The following FAM216A variants were observed in gnomAD, a reference collection of about 807,000 sequenced individuals.
FAM216A encodes the protein family with sequence similarity 216 member A, also known as protein FAM216A.
In FAM216A, 26 loss-of-function variants were observed where a neutral mutation model predicts 37.6. That is an observed-to-expected ratio of 0.69 (90% CI 0.51 to 0.96). FAM216A has a LOEUF of 0.96. Ranked by LOEUF, FAM216A falls within the 40% of genes least tolerant of loss-of-function variation. The pLI is 0.00. For synonymous variants in FAM216A, 110 were observed against 121.7 expected, an observed-to-expected ratio of 0.90 and a Z score of 0.64; for missense variants, 326 against 339.3, an observed-to-expected ratio of 0.96 and a Z score of 0.31.
chr12:110,473,148 T>C (rs1359271406), intron 2 of FAM216A, 30 bp downstream of exon 2: 3 of 1,317,296 alleles, frequency 2.3e-6, no homozygotes, highest in Non-Finnish European at 3.2e-6. Context: ...CAGATAATAC[T>C]TATAAGTAAC....
chr12:110,469,363 A>T lies in FAM216A; in HGVS notation c.143+345A>T, dbSNP rs552391263. 11 of 256,076 alleles carry T rather than the reference A, an allele frequency of 4.3e-5. No homozygotes were observed. In the Admixed American group the frequency reaches 6.0e-4, roughly 14 times the overall value. The allele number at this position is 256,076 out of a possible 1,614,324, so 15.9% of individuals were successfully genotyped here. ...CTGTCTGGCACAGGACTGTGTGTCC[A>T]CCGAAAGGCGAGGCGGGAGGGACAG... On this transcript the variant is annotated intron_variant, in intron 1 of 6. Coordinates refer to ENST00000377673, the MANE Select transcript of FAM216A (RefSeq NM_013300.3).
At chr12:110,476,375 A>T (rs540663581) in intron 2 of FAM216A, among the ~76,000 whole-genome samples, 14 of 150,840 alleles carry the variant, frequency 9.3e-5, no homozygotes, top group African/African-American at 3.4e-4. Flanking sequence ...AATTGTTTGA[A>T]TTTTTTTTCT....
intron 2 of FAM216A, among the ~76,000 whole-genome samples, chr12:110,482,409 G>C (rs1160515264): frequency 1.3e-5 from 2 of 151,906 alleles, no homozygotes; most frequent in Non-Finnish European, 2.9e-5. Flanking sequence ...TGTCTTTCCA[G>C]CTTTATTTGT....
intron 1 of FAM216A, among the ~76,000 whole-genome samples, chr12:110,469,846 C>CTGAA (rs1278584651): frequency 6.6e-6 from 1 of 152,086 alleles, no homozygotes; most frequent in Non-Finnish European, 1.5e-5. Context: ...AGACCAATGA[C>CTGAA]TGAATATCCG....
Position 110,473,124 on chromosome 12 carries a change from T to C in FAM216A, c.184+6T>C. The C allele has an allele frequency of 6.5e-7, 1 of 1,541,780 alleles. No homozygotes were observed. ...CCAGAATTCCAAAGGTTCTGGTGAG[T>C]AGTGCATATAAAGCAGATAATACTT... On this transcript the variant is annotated splice_donor_region_variant and intron_variant, in intron 2 of 6. Transcript: ENST00000377673.
chr12:110,482,234 A>G lies in FAM216A; in HGVS notation c.185-2844A>G, dbSNP rs550012799. Among the ~76,000 whole-genome samples, 1,039 of 152,068 alleles carry G rather than the reference A, an allele frequency of 6.8e-3. 1 individual carries two copies. Among genetic ancestry groups the G allele is most frequent in the Non-Finnish European group, 9.3e-3 (635 of 67,972 alleles). On this transcript the variant is annotated intron_variant, in intron 2 of 6. Coordinates refer to ENST00000377673, the MANE Select transcript of FAM216A (RefSeq NM_013300.3). ...GTAGCTGGGACTACAGGTGTACGCCACCACACCTGGCTAACTTTTATATAT... is the reference window on the plus strand; with the variant it reads ...GTAGCTGGGACTACAGGTGTACGCCGCCACACCTGGCTAACTTTTATATAT...
intron 1 of FAM216A, among the ~76,000 whole-genome samples, chr12:110,469,805 G>A (rs540689247): frequency 6.6e-6 from 1 of 152,068 alleles, no homozygotes; most frequent in Non-Finnish European, 1.5e-5. Context: ...CATTGCGCCC[G>A]ACCTCAAACG....
At chr12:110,475,803 A>G (rs2062711741) in intron 2 of FAM216A, among the ~76,000 whole-genome samples, 1 of 151,504 alleles carries the variant, frequency 6.6e-6, no homozygotes, top group Non-Finnish European at 1.5e-5. Flanking sequence ...CGGGGATACA[A>G]TCGGCTCACT....
chr12:110,489,972 GCTTT>G, intron 6 of FAM216A, 43 bp from the exon 7 acceptor site: 1 of 921,648 alleles, frequency 1.1e-6, no homozygotes, highest in East Asian at 2.4e-5. Flanking sequence ...TGTACTTAGA[GCTTT>G]ATTTCCAAAA....
chr12:110,468,944 G>A lies in FAM216A; in HGVS notation c.69G>A (p.Pro23=), dbSNP rs2062659725. 2.6e-6 allele frequency: 4 copies of A among 1,524,824 alleles called. No individual in the cohort carries two copies. Among genetic ancestry groups the A allele is most frequent in the Admixed American group, 2.0e-5 (1 of 50,428 alleles). The allele number at this position is 1,524,824 out of a possible 1,614,324, so 94.5% of individuals were successfully genotyped here. A position where few individuals can be genotyped will look rare whatever the true frequency, so the allele number is the denominator to read the frequency against. ...LGAAEMPGQG[P]GSDWTERSSS... Reference sequence around the variant, plus strand: ...CCGCGGAGATGCCCGGCCAGGGTCCGGGGTCCGACTGGACGGAGCGTAGCT... The same window carrying A: ...CCGCGGAGATGCCCGGCCAGGGTCCAGGGTCCGACTGGACGGAGCGTAGCT... The change falls in exon 1 of 7, where the codon CCG becomes CCA. Residue 23 remains proline, a synonymous_variant. Coordinates refer to ENST00000377673, the MANE Select transcript of FAM216A (RefSeq NM_013300.3).
Position 110,486,305 on chromosome 12 carries a change from CCT to C in FAM216A, c.307-17_307-16del, listed in dbSNP as rs1434079871. ...CTCTAATACAATGCAGACTATAAATCCTCTTATTCTGTCTTTTAGCATCCAGA... is the reference window on the plus strand; with the variant it reads ...CTCTAATACAATGCAGACTATAAATCCTTATTCTGTCTTTTAGCATCCAGA... On this transcript the variant is annotated intron_variant, in intron 3 of 6. Coordinates refer to ENST00000377673, the MANE Select transcript of FAM216A (RefSeq NM_013300.3). 2.5e-6 allele frequency: 4 copies of C among 1,574,898 alleles called. No individual in the cohort carries two copies. The highest frequency in any genetic ancestry group is 2.3e-5 in the South Asian group (2 of 87,778).
chr12:110,482,592 G>A (rs547496339), intron 2 of FAM216A, among the ~76,000 whole-genome samples: 11 of 149,608 alleles, frequency 7.4e-5, no homozygotes, highest in East Asian at 4.1e-4. Flanking sequence ...TCAGGAGATC[G>A]AGACCATCCT....
At chr12:110,489,481 A>C (rs1198737214) in intron 6 of FAM216A, among the ~76,000 whole-genome samples, 1 of 107,042 alleles carries the variant, frequency 9.3e-6, no homozygotes, top group African/African-American at 4.9e-5. Flanking sequence ...TCTAGTCTCC[A>C]AAAAAAAAAA....
intron 2 of FAM216A, among the ~76,000 whole-genome samples, chr12:110,482,642 A>T (rs377271441): frequency 1.5e-3 from 222 of 151,524 alleles, no homozygotes; most frequent in African/African-American, 5.2e-3. Flanking sequence ...AAAAATACAA[A>T]AAATTAGCCG....
At chr12:110,472,752 A>G (rs992453137) in intron 1 of FAM216A, among the ~76,000 whole-genome samples, 4 of 152,022 alleles carry the variant, frequency 2.6e-5, no homozygotes, top group African/African-American at 9.7e-5. Flanking sequence ...TGGGAGGCTG[A>G]GGCAGGCAGA....
chr12:110,486,128 G>C (rs527753719), intron 3 of FAM216A, among the ~76,000 whole-genome samples, 197 bp from the exon 4 acceptor site: 2 of 152,276 alleles, frequency 1.3e-5, no homozygotes, highest in Non-Finnish European at 2.9e-5. Context: ...TGAATCACCC[G>C]AGTGGAATGG....
At chr12:110,475,794 G>A (rs1285818273) in intron 2 of FAM216A, among the ~76,000 whole-genome samples, 2 of 151,664 alleles carry the variant, frequency 1.3e-5, no homozygotes, top group Non-Finnish European at 1.5e-5. Context: ...GCAGGAGTGC[G>A]GGGATACAAT....
At chr12:110,489,480 C>CAAA (rs11397208) in intron 6 of FAM216A, among the ~76,000 whole-genome samples, 4 of 114,444 alleles carry the variant, frequency 3.5e-5, no homozygotes, top group Admixed American at 9.4e-5. Flanking sequence ...CTCTAGTCTC[C>CAAA]AAAAAAAAAA....
chr12:110,486,632 T>A lies in FAM216A; in HGVS notation c.535T>A (p.Ser179Thr). The change falls in exon 5 of 7, where the codon TCG (serine) becomes ACG (threonine). Residue 179 changes from serine (S) to threonine (T), a missense_variant. Coordinates refer to ENST00000377673, the MANE Select transcript of FAM216A (RefSeq NM_013300.3). Reference protein sequence around the residue: ...TWRHQLEREDSGSSDIAAASA... With the variant: ...TWRHQLEREDTGSSDIAAASA... Reference sequence around the variant, plus strand: ...GCGACATCAACTGGAGAGAGAGGACTCGGGGTCTTCTGATATCGCAGCTGC... The same window carrying A: ...GCGACATCAACTGGAGAGAGAGGACACGGGGTCTTCTGATATCGCAGCTGC... 6.2e-7 allele frequency: 1 copy of A among 1,614,190 alleles called. No individual in the cohort carries two copies. Among genetic ancestry groups the A allele is most frequent in the Non-Finnish European group, 8.5e-7 (1 of 1,180,024 alleles).
Sources: gnomAD v4.1 joint callset for allele counts (sites outside exome capture counted in the v4.1 genomes callset) on GRCh38, gnomAD v4.1.1 for gene constraint, MANE v1.5 for transcripts, NCBI Gene and HGNC (gene_info 2026-07-23, HGNC 2026-07-21) for gene names.